MICALL2: variants seen among roughly 807,000 people sequenced by gnomAD.
MICALL2 encodes the protein MICAL like 2, also known as MICAL-like protein 2.
In MICALL2, 111 loss-of-function variants were observed where a neutral mutation model predicts 91.1. That is an observed-to-expected ratio of 1.22 (90% CI 1.04 to 1.43). The LOEUF (loss-of-function observed/expected upper bound fraction) is 1.43, where lower values mean the gene tolerates loss of function less well. Ranked by LOEUF, MICALL2 falls within the 40% of genes most tolerant of loss-of-function variation. The pLI, the probability that MICALL2 is intolerant of heterozygous loss-of-function variation, is 0.00. For missense variants in MICALL2, 1,556 were observed against 1,236.0 expected (o/e 1.26, Z -3.88); for synonymous variants, 694 against 525.3 (o/e 1.32, Z -4.39).
chr7:1,438,608 C>T lies in MICALL2; in HGVS notation c.2122+232G>A, dbSNP rs929342414. The T allele has an allele frequency of 2.0e-5, 29 of 1,421,052 alleles. No homozygotes were observed. The Admixed American group carries it at 4.7e-4, about 23-fold the overall frequency. 88.0% of individuals were successfully genotyped at this position (1,421,052 alleles called of 1,614,324 possible). On this transcript the variant is annotated intron_variant, in intron 10 of 16. Coordinates refer to ENST00000297508, the MANE Select transcript of MICALL2 (RefSeq NM_182924.4). ...CAGCCACCCCAGTCCCTCAAGCTGCCAGAAGCAGACATTCCATCATCACCA... is the reference window on the plus strand; with the variant it reads ...CAGCCACCCCAGTCCCTCAAGCTGCTAGAAGCAGACATTCCATCATCACCA...
Position 1,447,722 on chromosome 7 carries a change from C to T in MICALL2, c.378G>A (p.Glu126=), listed in dbSNP as rs1369443860. The change falls in exon 4 of 17, where the codon GAG becomes GAA. Residue 126 remains glutamate, a synonymous_variant. Transcript: ENST00000297508. ...GAGCCTTCTTCCCTGACGGCTCCTC[C>T]TCAGAGTCCTCCGAGGCCCTCTTCA... ...AGVKRASEDS[E]EEPSGKKAPV... The T allele has an allele frequency of 6.4e-7, 1 of 1,573,790 alleles. No individual in the cohort carries two copies. The highest frequency in any genetic ancestry group is 8.6e-7 in the Non-Finnish European group (1 of 1,160,500).
chr7:1,459,339 CCCGCCGCGCGGCGGAA>C lies in MICALL2; in HGVS notation c.-29_-14del, dbSNP rs1275595309. 1.2e-5 allele frequency: 18 copies of C among 1,511,376 alleles called. No individual in the cohort carries two copies. Among genetic ancestry groups the C allele is most frequent in the Non-Finnish European group, 1.6e-5 (18 of 1,132,080 alleles). The allele number at this position is 1,511,376 out of a possible 1,614,324, so 93.6% of individuals were successfully genotyped here. A position where few individuals can be genotyped will look rare whatever the true frequency, so the allele number is the denominator to read the frequency against. On this transcript the variant is annotated 5_prime_UTR_variant, in exon 1 of 17. Coordinates refer to ENST00000297508, the MANE Select transcript of MICALL2 (RefSeq NM_182924.4). ...TGATGGCCGCCATGTGGGCGGCGCG[CCCGCCGCGCGGCGGAA>C]CCGCCCTCCGACACCTTCCCGCGGC...
intron 16 of MICALL2, 98 bp downstream of exon 16, chr7:1,435,002 AG>A: frequency 1.1e-4 from 7 of 61,178 alleles, no homozygotes; most frequent in Admixed American, 3.6e-4. Context: ...CCCCACCCCC[AG>A]CTGGAGGCCC....
rs778682505 is a variant in MICALL2, at chr7:1,435,091, G to C, written c.2638+10C>G. On this transcript the variant is annotated intron_variant, in intron 16 of 16. Transcript: ENST00000297508. ...GCCAGCCCAGCCCTCAGCATCCCCG[G>C]CCCAGTCACCCAGCTTCTCAATCAT... 6.2e-6 allele frequency: 10 copies of C among 1,610,098 alleles called. No homozygotes were observed. The highest frequency in any genetic ancestry group is 8.5e-6 in the Non-Finnish European group (10 of 1,178,798).
In MICALL2 at chr7:1,438,887, T is replaced by C. The variant is rs1474001608; in HGVS notation, c.2075A>G (p.Gln692Arg). 7 of 1,610,938 alleles carry C rather than the reference T, an allele frequency of 4.3e-6. No individual in the cohort carries two copies. The highest frequency in any genetic ancestry group is 5.1e-6 in the Non-Finnish European group (6 of 1,179,482). The change falls in exon 10 of 17, where the codon CAG (glutamine) becomes CGG (arginine). Residue 692 changes from glutamine to arginine, a missense_variant. Gln to Arg is a conservative substitution (Grantham distance 43). Transcript: ENST00000297508. ...TTTCTTCTCCTCCTCCTTCCAGCTC[T>C]GCACTCGGGCTTCCTGGCCAGGGGG... ...PEPPGQEARVQSWKEEEKKPH... is the reference protein window; with the variant it reads ...PEPPGQEARVRSWKEEEKKPH...
In MICALL2 at chr7:1,444,693, G is replaced by T. The variant is rs769863252; in HGVS notation, c.1377C>A (p.Ala459=). The change falls in exon 6 of 17, where the codon GCC becomes GCA. Residue 459 remains alanine (A), a synonymous_variant. Transcript: ENST00000297508. ...KEQARNFLKQ[A]LSALEEAGAP... is the part of the protein sequence containing the mutation. ...CGCCAGCCTCTTCCAGCGCTGAGAG[G>T]GCCTGCTTGAGGAAGTTCCGCGCCT... 6.2e-7 allele frequency: 1 copy of T among 1,612,092 alleles called. No individual in the cohort carries two copies. The highest frequency in any genetic ancestry group is 1.7e-5 in the Admixed American group (1 of 60,004).
Position 1,440,053 on chromosome 7 carries a change from G to T in MICALL2, c.1838C>A (p.Ala613Glu). The part of the protein sequence containing the change: ...TLKPKEPRAL[A>E]EPRAGEAPRK... ...GGGGGCCTCCCCCGCCCTCGGCTCT[G>T]CCAGGGCCCGTGGTTCCTTGGGCTT... The change falls in exon 9 of 17, where the codon GCA becomes GAA. Residue 613 changes from alanine to glutamate, a missense_variant. Transcript: ENST00000297508. 6.3e-7 allele frequency: 1 copy of T among 1,585,946 alleles called. No individual in the cohort carries two copies.
intron 7 of MICALL2, chr7:1,441,966 T>C (rs1780301329): frequency 1.7e-6 from 1 of 590,674 alleles, no homozygotes; most frequent in Non-Finnish European, 3.0e-6. Context: ...TGGGGTGGGC[T>C]GGGTGCCGGC....
chr7:1,444,708 G>A lies in MICALL2; in HGVS notation c.1362C>T (p.Asn454=). ...GCGCTGAGAGGGCCTGCTTGAGGAA[G>A]TTCCGCGCCTGCTCCTTGCTGCTGT... The part of the protein sequence containing the change: ...SKDSSKEQAR[N]FLKQALSALE... The change falls in exon 6 of 17, where the codon AAC becomes AAT. Residue 454 remains asparagine, a synonymous_variant. Transcript: ENST00000297508. 1 of 1,612,340 alleles carries A rather than the reference G, an allele frequency of 6.2e-7. No individual in the cohort carries two copies. Among genetic ancestry groups the A allele is most frequent in the Non-Finnish European group, 8.5e-7 (1 of 1,179,858 alleles).
chr7:1,444,746 C>A lies in MICALL2; in HGVS notation c.1324G>T (p.Val442Phe), dbSNP rs761366022. 2 of 1,612,406 alleles carry A rather than the reference C, an allele frequency of 1.2e-6. No homozygotes were observed. The highest frequency in any genetic ancestry group is 1.7e-6 in the Non-Finnish European group (2 of 1,179,826). Reference protein sequence around the residue: ...LSGRGPTPSLVLSKDSSKEQA... With the variant: ...LSGRGPTPSLFLSKDSSKEQA... ...TCCTTGCTGCTGTCCTTGGATAGAA[C>A]AAGTGACGGGGTGGGACCTCTGCCA... Residue 442 changes from valine (V) to phenylalanine (F), a missense_variant, in exon 6 of 17, where the codon GTT becomes TTT. Transcript: ENST00000297508.
chr7:1,446,905 G>T lies in MICALL2; in HGVS notation c.526-77C>A. ...CCTGGTGGCAGCCCACAGGTGGCCG[G>T]AAGAGCCCATCTTACAGATGGAGAA... is the stretch of plus-strand genomic sequence containing the variant. On this transcript the variant is annotated intron_variant, in intron 4 of 16. Coordinates refer to ENST00000297508, the MANE Select transcript of MICALL2 (RefSeq NM_182924.4). The T allele has an allele frequency of 5.8e-6, 6 of 1,033,088 alleles. No individual in the cohort carries two copies. The South Asian group carries it at 9.3e-5, about 16-fold the overall frequency. 64.0% of individuals were successfully genotyped at this position (1,033,088 alleles called of 1,614,324 possible). A position where few individuals can be genotyped will look rare whatever the true frequency, so the allele number is the denominator to read the frequency against.
At chr7:1,456,990 G>A (rs1584239329) in intron 1 of MICALL2, among the ~76,000 whole-genome samples, 1 of 152,126 alleles carries the variant, frequency 6.6e-6, no homozygotes, top group Non-Finnish European at 1.5e-5. Context: ...TTTTCTCACG[G>A]CTCTGGAGGC....
Position 1,442,403 on chromosome 7 carries a change from T to C in MICALL2, c.1500A>G (p.Leu500=), listed in dbSNP as rs1780340202. The part of the protein sequence containing the change: ...APQASPLAKP[L]QSSSPRVLGL... ...CAAGCACCCGGGGAGACGAGGACTG[T>C]AACGGCTTGGCTAAGGGACTTGCTT... Residue 500 remains leucine (L), a synonymous_variant, in exon 7 of 17, where the codon TTA becomes TTG. Coordinates refer to ENST00000297508, the MANE Select transcript of MICALL2 (RefSeq NM_182924.4). 3.1e-6 allele frequency: 5 copies of C among 1,599,380 alleles called. No individual in the cohort carries two copies. The highest frequency in any genetic ancestry group is 4.3e-6 in the Non-Finnish European group (5 of 1,171,862).
intron 8 of MICALL2, 33 bp downstream of exon 8, chr7:1,440,558 C>T (rs752992635): frequency 6.4e-7 from 1 of 1,573,690 alleles, no homozygotes; most frequent in South Asian, 1.1e-5. Context: ...CTATGGTGTA[C>T]CAGGCCCTGG....
At chr7:1,440,513 C>A (rs1366413653) in intron 8 of MICALL2, 78 bp downstream of exon 8, 62 of 1,286,054 alleles carry the variant, frequency 4.8e-5, no homozygotes, top group Admixed American at 1.0e-4. Context: ...GCGTGTCAAT[C>A]GGTCGATTAC....
At chr7:1,448,427 C>T (rs989431082) in intron 3 of MICALL2, among the ~76,000 whole-genome samples, 193 bp downstream of exon 3, 2 of 151,094 alleles carry the variant, frequency 1.3e-5, no homozygotes, top group East Asian at 2.0e-4. Flanking sequence ...TGCATGGGGC[C>T]GGGGTTGGGG....
intron 1 of MICALL2, among the ~76,000 whole-genome samples, chr7:1,453,791 C>G: frequency 6.6e-6 from 1 of 152,152 alleles, no homozygotes; most frequent in East Asian, 1.9e-4. Flanking sequence ...CATGGCCCGG[C>G]TCCAAGACAC....
chr7:1,437,079 A>G (rs912352322), intron 14 of MICALL2: 1 of 491,228 alleles, frequency 2.0e-6, no homozygotes, highest in Admixed American at 4.0e-5. Context: ...TCGCAGAAAC[A>G]CCACTCGCTG....
chr7:1,439,293 G>A (rs763010275), intron 9 of MICALL2: 23 of 413,700 alleles, frequency 5.6e-5, no homozygotes, highest in African/African-American at 4.2e-4. Context: ...ACACAGAGAT[G>A]TGTGTGCACA....
Sources: gnomAD v4.1 joint callset for allele counts (sites outside exome capture counted in the v4.1 genomes callset) on GRCh38, gnomAD v4.1.1 for gene constraint, MANE v1.5 for transcripts, NCBI Gene and HGNC (gene_info 2026-07-23, HGNC 2026-07-21) for gene names.